The following TEX11 variants were observed in gnomAD, a reference collection of about 807,000 sequenced individuals.
TEX11 encodes the protein testis expressed 11, also known as testis-expressed protein 11.
In TEX11, 7 loss-of-function variants were observed where a neutral mutation model predicts 84.4. The observed-to-expected ratio is 0.08, with a 90% confidence interval of 0.05 to 0.16. The LOEUF (loss-of-function observed/expected upper bound fraction) is 0.16, where lower values mean the gene tolerates loss of function less well. Among genes scored for constraint, TEX11 ranks in the 10% least tolerant of loss-of-function variants. The pLI is 1.00. For synonymous variants in TEX11, 264 were observed against 222.8 expected (o/e 1.18, Z -1.64); for missense variants, 551 against 660.5 (o/e 0.83, Z 1.82).
intron 2 of TEX11, among the ~76,000 whole-genome samples, chrX:70,901,475 G>T (rs1028372486): frequency 1.8e-5 from 2 of 111,840 alleles, no homozygotes; most frequent in Non-Finnish European, 3.8e-5. Context: ...GACCAGTTTT[G>T]TAGAAGACAA....
At chrX:70,859,045 T>TA (rs1190797222) in intron 5 of TEX11, among the ~76,000 whole-genome samples, 1 of 109,009 alleles carries the variant, frequency 9.2e-6, no homozygotes, top group Non-Finnish European at 1.9e-5. Context: ...CTCAAAAAAA[T>TA]AAAAAATAAT....
intron 2 of TEX11, among the ~76,000 whole-genome samples, chrX:70,892,146 A>G (rs751904750): frequency 6.8e-4 from 75 of 110,725 alleles, no homozygotes; most frequent in Non-Finnish European, 1.2e-3. Context: ...CTTCATAAGC[A>G]AAAATAAATA....
At chrX:70,529,325 C>A in intron 29 of TEX11, 138 bp from the exon 30 acceptor site, 1 of 464,319 alleles carries the variant, frequency 2.2e-6, no homozygotes, top group Non-Finnish European at 3.8e-6. Flanking sequence ...GGAGAAAATA[C>A]AGTCCTCTCT....
intron 11 of TEX11, among the ~76,000 whole-genome samples, chrX:70,726,417 A>G (rs1174954799): frequency 1.8e-5 from 2 of 112,045 alleles, no homozygotes; most frequent in East Asian, 5.6e-4. Flanking sequence ...CTACACTTCC[A>G]GAAGTCATGA....
intron 28 of TEX11, among the ~76,000 whole-genome samples, chrX:70,531,204 A>G (rs1291193692): frequency 9.0e-6 from 1 of 111,524 alleles, no homozygotes; most frequent in Non-Finnish European, 1.9e-5. Context: ...TTCAGAGTCC[A>G]GCACTGTGCC....
intron 9 of TEX11, among the ~76,000 whole-genome samples, chrX:70,755,732 T>C (rs1269094493): frequency 1.8e-5 from 2 of 112,089 alleles, no homozygotes; most frequent in Admixed American, 9.4e-5. Context: ...GTTTATCTCA[T>C]TGAGACTGGT....
At chrX:70,625,315 T>C (rs1246933987) in intron 18 of TEX11, among the ~76,000 whole-genome samples, 1 of 110,849 alleles carries the variant, frequency 9.0e-6, no homozygotes, top group East Asian at 2.8e-4. Context: ...GTCCTCTTTT[T>C]CTATCTCTCC....
chrX:70,753,724 G>A (rs764673181), intron 9 of TEX11, among the ~76,000 whole-genome samples: 3 of 110,587 alleles, frequency 2.7e-5, no homozygotes, highest in Non-Finnish European at 5.7e-5. Flanking sequence ...GAAAAATAAA[G>A]GGGACTGTGT....
chrX:70,703,825 G>T (rs749220873), intron 13 of TEX11, among the ~76,000 whole-genome samples: 6 of 111,773 alleles, frequency 5.4e-5, no homozygotes, highest in Non-Finnish European at 9.4e-5. Context: ...TGCCAGCCTG[G>T]GTTTGGATCC....
At chrX:70,588,350 G>A (rs1490634388) in intron 25 of TEX11, among the ~76,000 whole-genome samples, 1 of 111,678 alleles carries the variant, frequency 9.0e-6, no homozygotes, top group East Asian at 2.8e-4. Context: ...GAGATTGGGT[G>A]GAGGTGATTG....
chrX:70,523,088 T>C, the TEX11 span, among the ~76,000 whole-genome samples: 1 of 110,808 alleles, frequency 9.0e-6, no homozygotes, highest in African/African-American at 3.3e-5. Flanking sequence ...GATTAGTTTT[T>C]TAAATTAAAA....
chrX:70,539,529 A>G (rs1393350374), intron 28 of TEX11, among the ~76,000 whole-genome samples: 2 of 110,629 alleles, frequency 1.8e-5, no homozygotes, highest in African/African-American at 6.6e-5. Context: ...TGGTTACAAA[A>G]CGCCTTTGTG....
intron 7 of TEX11, among the ~76,000 whole-genome samples, chrX:70,852,828 C>T (rs771922549): frequency 6.3e-5 from 7 of 111,552 alleles, no homozygotes; most frequent in African/African-American, 2.3e-4. Flanking sequence ...AGCTGTATAT[C>T]AGTCTTCTCA....
chrX:70,672,359 T>G (rs780179345), intron 15 of TEX11, among the ~76,000 whole-genome samples: 1 of 111,966 alleles, frequency 8.9e-6, no homozygotes, highest in Non-Finnish European at 1.9e-5. Flanking sequence ...TCCTTTTCTC[T>G]TGAGTACATA....
At chrX:70,892,137 T>C (rs1211953174) in intron 2 of TEX11, among the ~76,000 whole-genome samples, 1 of 110,812 alleles carries the variant, frequency 9.0e-6, no homozygotes, top group African/African-American at 3.3e-5. Flanking sequence ...CAAAATAAGC[T>C]TCATAAGCAA....
intron 9 of TEX11, among the ~76,000 whole-genome samples, chrX:70,769,157 G>C (rs1188646963): frequency 9.0e-6 from 1 of 111,241 alleles, no homozygotes; most frequent in Non-Finnish European, 1.9e-5. Flanking sequence ...TTTCACCTTA[G>C]GAAAAGGGAA....
chrX:70,568,918 C>T lies in TEX11; in HGVS notation c.2141-14118G>A, dbSNP rs371050031. 1.2e-3 allele frequency among the ~76,000 whole-genome samples: 132 copies of T among 110,223 alleles called. No homozygotes were observed. In the East Asian group the frequency reaches 0.03, roughly 25 times the overall value. ...CTCTTCTCGAGGAGTATCTTTGTGGCGTTCTCTGTATTTCCTGAATCTGAA... is the reference window on the plus strand; with the variant it reads ...CTCTTCTCGAGGAGTATCTTTGTGGTGTTCTCTGTATTTCCTGAATCTGAA... On this transcript the variant is annotated intron_variant, in intron 25 of 29. Transcript: ENST00000374333.
chrX:70,560,829 C>A (rs948893744), intron 25 of TEX11, among the ~76,000 whole-genome samples: 1 of 101,341 alleles, frequency 9.9e-6, no homozygotes, highest in Non-Finnish European at 2.0e-5. Flanking sequence ...CTCAAGTGAT[C>A]TTCTTGCCTC....
intron 28 of TEX11, among the ~76,000 whole-genome samples, chrX:70,541,312 G>A (rs1460738533): frequency 2.7e-5 from 3 of 111,648 alleles, no homozygotes; most frequent in Non-Finnish European, 5.6e-5. Context: ...ATAGATTTGC[G>A]GTTGTCAGGG....
Sources: gnomAD v4.1 joint callset for allele counts (sites outside exome capture counted in the v4.1 genomes callset) on GRCh38, gnomAD v4.1.1 for gene constraint, MANE v1.5 for transcripts, NCBI Gene and HGNC (gene_info 2026-07-23, HGNC 2026-07-21) for gene names.